The following EIPR1 variants were observed in gnomAD, a reference collection of about 807,000 sequenced individuals.
EIPR1 encodes the protein EARP and GARP complex-interacting protein 1.
In EIPR1, 25 loss-of-function variants were observed where a neutral mutation model predicts 48.1. The ratio of observed to expected loss-of-function variants is 0.52; its 90% CI spans 0.38 to 0.73. EIPR1 has a LOEUF of 0.73. EIPR1 is among the 30% of genes least tolerant of loss of function. The pLI, the probability that EIPR1 is intolerant of heterozygous loss-of-function variation, is 0.00. For missense variants in EIPR1, 415 were observed against 506.2 expected (o/e 0.82, Z 1.73); for synonymous variants, 204 against 201.9 (o/e 1.01, Z -0.09).
At position 3,210,627 on chromosome 2, in the gene EIPR1, C is replaced by CTTTT. The variant is rs56963007; in HGVS notation, c.516+3518_516+3521dup. Among the ~76,000 whole-genome samples, 10 of 118,418 alleles carry CTTTT rather than the reference C, an allele frequency of 8.4e-5. 4 individuals are homozygous for CTTTT. The highest frequency in any genetic ancestry group is 9.5e-5 in the Admixed American group (1 of 10,502). The allele number at this position is 118,418 out of a possible 152,430, so 77.7% of individuals were successfully genotyped here. On this transcript the variant is annotated intron_variant, in intron 5 of 8. Transcript: ENST00000382125. Reference sequence around the variant, plus strand: ...TCTTCTCACTGTTTACCTCCCAATTCTTTTTTTTTTTTTTTTTTTTTGAGA... The same window carrying CTTTT: ...TCTTCTCACTGTTTACCTCCCAATTCTTTTTTTTTTTTTTTTTTTTTTTTTGAGA...
At chr2:3,239,307 G>T (rs908024652) in intron 4 of EIPR1, among the ~76,000 whole-genome samples, 1 of 152,192 alleles carries the variant, frequency 6.6e-6, no homozygotes, top group Non-Finnish European at 1.5e-5. Flanking sequence ...AACCCCACAG[G>T]TACACACAGA....
intron 3 of EIPR1, among the ~76,000 whole-genome samples, chr2:3,270,172 G>GCAGGGGTGAAACAAGGAGGGGATGT (rs1667661783): frequency 2.0e-5 from 3 of 152,218 alleles, no homozygotes; most frequent in African/African-American, 7.2e-5. Context: ...AAAGCACAAA[G>GCAGGGGTGAAACAAGGAGGGGATGT]CAGGGGTGAA....
At chr2:3,296,933 C>T (rs1668619457) in intron 3 of EIPR1, among the ~76,000 whole-genome samples, 1 of 152,252 alleles carries the variant, frequency 6.6e-6, no homozygotes, top group Admixed American at 6.5e-5. Flanking sequence ...GAGTCTCTGA[C>T]TTGTTTCCTT....
At chr2:3,337,401 G>T (rs1036510482) in intron 3 of EIPR1, among the ~76,000 whole-genome samples, 2 of 152,142 alleles carry the variant, frequency 1.3e-5, no homozygotes, top group Non-Finnish European at 2.9e-5. Context: ...GGCTTACATG[G>T]TAGAGAAAGA....
intron 3 of EIPR1, among the ~76,000 whole-genome samples, chr2:3,267,551 T>C (rs1395407979): frequency 1.3e-5 from 2 of 152,372 alleles, no homozygotes; most frequent in East Asian, 3.9e-4. Context: ...TATACAAGAA[T>C]GCAGGCCCTG....
At chr2:3,310,123 G>A (rs1459351277) in intron 3 of EIPR1, among the ~76,000 whole-genome samples, 1 of 152,166 alleles carries the variant, frequency 6.6e-6, no homozygotes, top group Non-Finnish European at 1.5e-5. Context: ...TAGAGAAAAA[G>A]GAGCTGGAAA....
chr2:3,307,253 T>C (rs931609939), intron 3 of EIPR1, among the ~76,000 whole-genome samples: 1 of 152,160 alleles, frequency 6.6e-6, no homozygotes, highest in African/African-American at 2.4e-5. Flanking sequence ...TGAGCCACTG[T>C]GCCCAGCCCA....
chr2:3,280,460 G>A (rs1030680838), intron 3 of EIPR1, among the ~76,000 whole-genome samples: 1 of 152,140 alleles, frequency 6.6e-6, no homozygotes, highest in African/African-American at 2.4e-5. Flanking sequence ...GAGTGGCCCT[G>A]GGAAGACTGG....
chr2:3,365,074 T>A, intron 1 of EIPR1, among the ~76,000 whole-genome samples: 1 of 152,160 alleles, frequency 6.6e-6, no homozygotes, highest in East Asian at 1.9e-4. Context: ...ATAAATGTAT[T>A]AACTTATCAT....
Position 3,189,294 on chromosome 2 carries a change from A to G in EIPR1, c.*40T>C. 6.6e-7 allele frequency: 1 copy of G among 1,505,968 alleles called. No individual in the cohort carries two copies. The highest frequency in any genetic ancestry group is 2.4e-5 in the East Asian group (1 of 42,306). 93.3% of individuals were successfully genotyped at this position (1,505,968 alleles called of 1,614,324 possible). A position where few individuals can be genotyped will look rare whatever the true frequency, so the allele number is the denominator to read the frequency against. ...GACTGTTTGAGAATCTGCCAAGAGG[A>G]AAACCACTCAATGGGACCTGGATAA... On this transcript the variant is annotated 3_prime_UTR_variant, in exon 9 of 9. Transcript: ENST00000382125. The surrounding 1 kb of genome is among the most constrained non-coding windows in gnomAD (Gnocchi z 4.6).
At chr2:3,266,342 AG>A (rs996695382) in intron 3 of EIPR1, among the ~76,000 whole-genome samples, 32 of 152,366 alleles carry the variant, frequency 2.1e-4, no homozygotes, top group African/African-American at 7.7e-4. Flanking sequence ...AGGATGGATG[AG>A]GACAAATGAC....
chr2:3,295,633 T>C (rs866033522), intron 3 of EIPR1, among the ~76,000 whole-genome samples: 400 of 44,664 alleles, frequency 9.0e-3, no homozygotes, highest in Non-Finnish European at 0.011. Context: ...CCTCTCTACA[T>C]ACACACACCC....
rs1043674051 is a variant in EIPR1 at position 3,194,232 on chromosome 2, C to T, written c.654-66G>A. On this transcript the variant is annotated intron_variant, in intron 6 of 8. Transcript: ENST00000382125. ...GATTAGGAAAAGCCACTGCGTGCTGCGGGCACACACTGGTTTCCCGGGACC... is the reference window on the plus strand; with the variant it reads ...GATTAGGAAAAGCCACTGCGTGCTGTGGGCACACACTGGTTTCCCGGGACC... The T allele has an allele frequency of 2.3e-5, 36 of 1,573,920 alleles. No individual in the cohort carries two copies. The Middle Eastern group carries it at 1.0e-3, about 45-fold the overall frequency.
At chr2:3,336,490 G>A (rs62119495) in intron 3 of EIPR1, among the ~76,000 whole-genome samples, 17 of 152,188 alleles carry the variant, frequency 1.1e-4, no homozygotes, top group African/African-American at 1.9e-4. Context: ...AAGAAGGGCC[G>A]GGCGCAGTGG....
At chr2:3,365,873 C>T (rs1467299550) in intron 1 of EIPR1, among the ~76,000 whole-genome samples, 1 of 152,110 alleles carries the variant, frequency 6.6e-6, no homozygotes, top group Non-Finnish European at 1.5e-5. Context: ...CCCATGTCTA[C>T]CTCTTTCTAC....
At chr2:3,197,693 T>C (rs1572279439) in intron 5 of EIPR1, among the ~76,000 whole-genome samples, 1 of 152,252 alleles carries the variant, frequency 6.6e-6, no homozygotes, top group East Asian at 1.9e-4. Context: ...TGCATCGTTA[T>C]TTCAATTTGG....
chr2:3,297,253 C>T (rs1039558056), intron 3 of EIPR1, among the ~76,000 whole-genome samples: 7 of 152,102 alleles, frequency 4.6e-5, no homozygotes, highest in African/African-American at 1.4e-4. Flanking sequence ...AGGGTGGGGG[C>T]GAGGAAAGGC....
chr2:3,354,713 G>T, intron 1 of EIPR1, 80 bp from the exon 2 acceptor site: 1 of 1,315,566 alleles, frequency 7.6e-7, no homozygotes, highest in Non-Finnish European at 1.1e-6. Flanking sequence ...TAAAAAGGCA[G>T]TTTATCTCAT....
intron 4 of EIPR1, among the ~76,000 whole-genome samples, chr2:3,243,291 G>A (rs1236648658): frequency 6.6e-6 from 1 of 152,098 alleles, no homozygotes; most frequent in Admixed American, 6.6e-5. Context: ...ATGCTTCATA[G>A]AACTTGGGCA....
Sources: gnomAD v4.1 joint callset for allele counts (sites outside exome capture counted in the v4.1 genomes callset) on GRCh38, gnomAD v4.1.1 for gene constraint, Gnocchi (gnomAD v3.1) non-coding constraint, MANE v1.5 for transcripts, NCBI Gene and HGNC (gene_info 2026-07-23, HGNC 2026-07-21) for gene names.